Variants in EPHA5 observed in about 807,000 individuals in gnomAD.
EPHA5 encodes the protein ephrin type-A receptor 5.
EPHA5 carries 60 observed loss-of-function variants against 105.0 expected under a neutral mutation model. That is an observed-to-expected ratio of 0.57 (90% CI 0.46 to 0.71). The LOEUF (loss-of-function observed/expected upper bound fraction) is 0.71. Ranked by LOEUF, EPHA5 falls within the 30% of genes least tolerant of loss-of-function variation. The probability of loss-of-function intolerance (pLI) is 0.00; values close to 1 mark genes in which losing one functional copy is unlikely to be tolerated. For missense variants in EPHA5, 1,218 were observed against 1,274.7 expected (o/e 0.96, Z 0.68); for synonymous variants, 513 against 449.1 (o/e 1.14, Z -1.80).
intron 2 of EPHA5, among the ~76,000 whole-genome samples, chr4:65,637,604 AT>A (rs534569527): frequency 1.3e-3 from 190 of 144,710 alleles, no homozygotes; most frequent in Non-Finnish European, 2.3e-3. Context: ...ATATACGTAT[AT>A]GCTAAAACAA....
chr4:65,374,483 G>A (rs1258701645), intron 8 of EPHA5, among the ~76,000 whole-genome samples: 1 of 151,854 alleles, frequency 6.6e-6, no homozygotes, highest in African/African-American at 2.4e-5. Context: ...TTCCTGGTGG[G>A]AAACATGAAA....
At chr4:65,544,300 T>C (rs1363458241) in intron 3 of EPHA5, among the ~76,000 whole-genome samples, 1 of 151,920 alleles carries the variant, frequency 6.6e-6, no homozygotes. Context: ...ACCTACAGAA[T>C]GGGAGAAAAG....
intron 11 of EPHA5, among the ~76,000 whole-genome samples, chr4:65,359,526 C>T (rs1717062759): frequency 6.6e-6 from 1 of 151,534 alleles, no homozygotes; most frequent in Non-Finnish European, 1.5e-5. Context: ...TCTTGTTCCT[C>T]ATAAGCTTTT....
At chr4:65,482,860 CTT>C (rs34522161) in intron 5 of EPHA5, among the ~76,000 whole-genome samples, 6 of 148,818 alleles carry the variant, frequency 4.0e-5, no homozygotes, top group East Asian at 2.0e-4. Context: ...TTTAGAGGAT[CTT>C]TTTTTTTTAT....
intron 5 of EPHA5, among the ~76,000 whole-genome samples, chr4:65,488,968 C>G (rs967691774): frequency 1.3e-5 from 2 of 149,112 alleles, no homozygotes; most frequent in Non-Finnish European, 3.0e-5. Flanking sequence ...TCACTGCAAG[C>G]TCCTCCTCCT....
intron 7 of EPHA5, among the ~76,000 whole-genome samples, chr4:65,409,144 A>C (rs1722664572): frequency 7.9e-6 from 1 of 127,206 alleles, no homozygotes; most frequent in Non-Finnish European, 1.6e-5. Flanking sequence ...GAACAATGAG[A>C]ACACATGGAC....
intron 3 of EPHA5, among the ~76,000 whole-genome samples, chr4:65,557,397 G>C (rs1338769557): frequency 6.6e-6 from 1 of 151,262 alleles, no homozygotes; most frequent in Non-Finnish European, 1.5e-5. Context: ...TTCCAACTCT[G>C]ATCCACAATA....
At position 65,434,252 on chromosome 4, in the gene EPHA5, C is replaced by A. The variant is rs568135423; in HGVS notation, c.1403-13687G>T. ...TAATCTAATCACATTAGCAAAATTC[C>A]TTTTTTCCATTTAAAGTAACATATT... On this transcript the variant is annotated intron_variant, in intron 5 of 16. Transcript: ENST00000613740. Among the ~76,000 whole-genome samples, 213 of 152,026 alleles carry A rather than the reference C, an allele frequency of 1.4e-3. 1 individual carries two copies. Among genetic ancestry groups the A allele is most frequent in the African/African-American group, 4.7e-3 (194 of 41,450 alleles).
In EPHA5 at chr4:65,626,370, CAG is replaced by C. The variant is rs377711493; in HGVS notation, c.246+16991_246+16992del. On this transcript the variant is annotated intron_variant, in intron 2 of 16. Transcript: ENST00000613740. ...ACAAGAATTGCTTACTTATGTTTTT[CAG>C]AGTCTATAAAAAATATTGCTAATAG... 5.5e-4 allele frequency among the ~76,000 whole-genome samples: 84 copies of C among 152,202 alleles called. No individual in the cohort carries two copies. The South Asian group carries it at 0.017, about 31-fold the overall frequency.
chr4:65,632,730 AAC>A (rs1442475265), intron 2 of EPHA5, among the ~76,000 whole-genome samples: 2 of 152,110 alleles, frequency 1.3e-5, no homozygotes, highest in African/African-American at 4.8e-5. Context: ...CACAATCGAT[AAC>A]ACTATAAATA....
At chr4:65,351,771 T>A (rs1419022148) in intron 12 of EPHA5, among the ~76,000 whole-genome samples, 173 bp from the exon 13 acceptor site, 1 of 152,070 alleles carries the variant, frequency 6.6e-6, no homozygotes, top group East Asian at 1.9e-4. Flanking sequence ...CTTGGTGACA[T>A]TTATTTTTCC....
intron 6 of EPHA5, 81 bp downstream of exon 6, chr4:65,420,360 T>G (rs1723822165): frequency 2.2e-6 from 3 of 1,370,296 alleles, no homozygotes; most frequent in Non-Finnish European, 3.0e-6. Flanking sequence ...TGCAACATAC[T>G]CTTCTGCAAG....
chr4:65,458,721 T>C (rs912007887), intron 5 of EPHA5, among the ~76,000 whole-genome samples: 8 of 152,142 alleles, frequency 5.3e-5, no homozygotes, highest in African/African-American at 1.7e-4. Context: ...CAATAGTACC[T>C]TTCTAATAGT....
intron 5 of EPHA5, among the ~76,000 whole-genome samples, chr4:65,422,762 C>T (rs970006560): frequency 6.6e-6 from 1 of 152,008 alleles, no homozygotes; most frequent in Non-Finnish European, 1.5e-5. Context: ...CCATTATGAA[C>T]TGATTGCCTT....
chr4:65,575,887 G>T (rs1004356501), intron 3 of EPHA5, among the ~76,000 whole-genome samples: 4 of 151,206 alleles, frequency 2.6e-5, no homozygotes, highest in Non-Finnish European at 4.4e-5. Flanking sequence ...TGAGGCAGGA[G>T]AATTGCTTGA....
chr4:65,495,241 T>G (rs995172836), intron 4 of EPHA5, 147 bp downstream of exon 4: 22 of 810,900 alleles, frequency 2.7e-5, no homozygotes, highest in Non-Finnish European at 4.0e-5. Flanking sequence ...TTCAAGGAGA[T>G]TGAAAATTGG....
At chr4:65,465,627 C>T (rs1315805290) in intron 5 of EPHA5, among the ~76,000 whole-genome samples, 2 of 151,868 alleles carry the variant, frequency 1.3e-5, no homozygotes, top group Admixed American at 6.6e-5. Flanking sequence ...TGAGTAAGAG[C>T]TCACCAAACA....
intron 3 of EPHA5, among the ~76,000 whole-genome samples, chr4:65,554,283 C>A (rs1350571857): frequency 6.7e-6 from 1 of 149,060 alleles, no homozygotes; most frequent in Non-Finnish European, 1.5e-5. Flanking sequence ...ATTAAAATAT[C>A]TTTTCCATTT....
At chr4:65,527,337 A>T (rs1015193913) in intron 3 of EPHA5, among the ~76,000 whole-genome samples, 3 of 152,122 alleles carry the variant, frequency 2.0e-5, no homozygotes, top group African/African-American at 7.2e-5. Flanking sequence ...TGACAGTAAA[A>T]GTTGTCAAGT....
Sources: gnomAD v4.1 joint callset for allele counts (sites outside exome capture counted in the v4.1 genomes callset) on GRCh38, gnomAD v4.1.1 for gene constraint, MANE v1.5 for transcripts, NCBI Gene and HGNC (gene_info 2026-07-23, HGNC 2026-07-21) for gene names.